CELSR1: variants seen among roughly 807,000 people sequenced by gnomAD.
CELSR1 encodes cadherin EGF LAG seven-pass G-type receptor 1, also known as adhesion G protein-coupled receptor C1.
CELSR1 carries 110 observed loss-of-function variants against 249.1 expected under a neutral mutation model. That is an observed-to-expected ratio of 0.44 (90% confidence interval 0.38 to 0.52). CELSR1 has a LOEUF of 0.52. Ranked by LOEUF, CELSR1 falls within the 20% of genes least tolerant of loss-of-function variation. The pLI, the probability that CELSR1 is intolerant of heterozygous loss-of-function variation, is 0.00. For missense variants in CELSR1, 4,109 were observed against 4,296.4 expected, an observed-to-expected ratio of 0.96 and a Z score of 1.22; for synonymous variants, 2,113 against 1,900.0, an observed-to-expected ratio of 1.11 and a Z score of -2.92.
intron 26 of CELSR1, among the ~76,000 whole-genome samples, chr22:46,369,474 C>T (rs1015599166): frequency 4.9e-4 from 74 of 152,178 alleles, no homozygotes; most frequent in African/African-American, 1.7e-3. Context: ...GGGTGCTGGA[C>T]GCAGATGGTC....
chr22:46,490,143 T>C lies in CELSR1; in HGVS notation c.3545-25798A>G, dbSNP rs1236319423. ...TGTACACATGTCGACATGGCACTTC[T>C]ACCTGGAGTGCATGGGTCCTGCTCT... On this transcript the variant is annotated intron_variant, in intron 1 of 34. Transcript: ENST00000674500. This position sits in a 1 kb window ranked among gnomAD's most constrained non-coding sequence, Gnocchi z 5.2. Among the ~76,000 whole-genome samples, 1 of 152,136 alleles carries C rather than the reference T, an allele frequency of 6.6e-6. No homozygotes were observed. Among genetic ancestry groups the C allele is most frequent in the East Asian group, 1.9e-4 (1 of 5,190 alleles).
intron 1 of CELSR1, among the ~76,000 whole-genome samples, chr22:46,510,789 G>C (rs758228585): frequency 2.6e-5 from 4 of 152,160 alleles, no homozygotes; most frequent in African/African-American, 4.8e-5. Context: ...AACTTCTAGT[G>C]CTCCTGATAA....
At chr22:46,397,884 C>A (rs2079168190) in intron 11 of CELSR1, 36 bp from the exon 12 acceptor site, 2 of 1,480,966 alleles carry the variant, frequency 1.4e-6, no homozygotes. Flanking sequence ...CTACAGGAGC[C>A]CGGAAAGGTA....
chr22:46,390,311 C>A lies in CELSR1; in HGVS notation c.6345+81G>T. The A allele has an allele frequency of 8.5e-7, 1 of 1,175,730 alleles. No homozygotes were observed. The highest frequency in any genetic ancestry group is 1.5e-5 in the South Asian group (1 of 68,050). 72.8% of individuals were successfully genotyped at this position (1,175,730 alleles called of 1,614,324 possible). A position where few individuals can be genotyped will look rare whatever the true frequency, so the allele number is the denominator to read the frequency against. On this transcript the variant is annotated intron_variant, in intron 17 of 34. Coordinates refer to ENST00000674500, the MANE Select transcript of CELSR1 (RefSeq NM_001378328.1). The surrounding 1 kb of genome is among the most constrained non-coding windows in gnomAD (Gnocchi z 6.3). ...GCCCCAACACTCCCCAGCCCAGGAGCCTCGGCCCACACAAACTCTCTCACG... is the reference window on the plus strand; with the variant it reads ...GCCCCAACACTCCCCAGCCCAGGAGACTCGGCCCACACAAACTCTCTCACG...
intron 9 of CELSR1, among the ~76,000 whole-genome samples, chr22:46,400,969 A>T (rs1006740374): frequency 4.6e-5 from 7 of 151,014 alleles, no homozygotes; most frequent in Admixed American, 3.3e-4. Flanking sequence ...AAAAAAGTAT[A>T]GGCAAAGTTG....
chr22:46,535,680 G>A lies in CELSR1; in HGVS notation c.1491C>T (p.Ser497=), dbSNP rs1162703416. 2 of 1,612,974 alleles carry A rather than the reference G, an allele frequency of 1.2e-6. No homozygotes were observed. Among genetic ancestry groups the A allele is most frequent in the African/African-American group, 1.3e-5 (1 of 74,934 alleles). The part of the protein sequence containing the change: ...DQGQNAAIHY[S]ILSGNVAGQF... ...GGCCGGCCACGTTCCCGCTGAGGAT[G>A]CTGTAGTGAATGGCCGCGTTCTGGC... Residue 497 remains serine, a synonymous_variant, in exon 1 of 35, where the codon AGC becomes AGT. Transcript: ENST00000674500.
Position 46,440,669 on chromosome 22 carries a change from G to A in CELSR1, c.4184-1258C>T, listed in dbSNP as rs1006881267. Among the ~76,000 whole-genome samples the A allele has an allele frequency of 6.6e-6, 1 of 152,058 alleles. No individual in the cohort carries two copies. The highest frequency in any genetic ancestry group is 2.1e-4 in the South Asian group (1 of 4,832). ...GTCTTTCTGCTGGGTTTTTGGTCCT[G>A]CTCTTATTGTGTTATAGAAGCTCCT... On this transcript the variant is annotated intron_variant, in intron 2 of 34. Coordinates refer to ENST00000674500, the MANE Select transcript of CELSR1 (RefSeq NM_001378328.1). This position sits in a 1 kb window ranked among gnomAD's most constrained non-coding sequence, Gnocchi z 4.7.
At chr22:46,528,127 C>T (rs917235282) in intron 1 of CELSR1, among the ~76,000 whole-genome samples, 1 of 151,602 alleles carries the variant, frequency 6.6e-6, no homozygotes, top group Non-Finnish European at 1.5e-5. Context: ...AGGTCCGATC[C>T]TTCCCTACCC....
chr22:46,462,087 C>CG (rs780628782), intron 2 of CELSR1, among the ~76,000 whole-genome samples: 15 of 152,220 alleles, frequency 9.9e-5, no homozygotes, highest in Non-Finnish European at 2.1e-4. Context: ...CTGTGGGAGG[C>CG]GGGGGTCTCC....
intron 2 of CELSR1, among the ~76,000 whole-genome samples, chr22:46,458,754 G>A (rs8139196): frequency 0.036 from 5,526 of 152,282 alleles, 224 homozygotes; most frequent in African/African-American, 0.11. Context: ...CTGCACCTGG[G>A]TGTTGACAGA....
chr22:46,520,044 G>C lies in CELSR1; in HGVS notation c.3544+13583C>G, dbSNP rs143091931. Among the ~76,000 whole-genome samples, 868 of 151,966 alleles carry C rather than the reference G, an allele frequency of 5.7e-3. 9 individuals carry two copies. The highest frequency in any genetic ancestry group is 0.019 in the African/African-American group (773 of 41,458). On this transcript the variant is annotated intron_variant, in intron 1 of 34. Transcript: ENST00000674500. ...CCGCTACCACATCCAGCTAATTTTTGTATTTTTTTAGTAGAGATGGGGTTT... is the reference window on the plus strand; with the variant it reads ...CCGCTACCACATCCAGCTAATTTTTCTATTTTTTTAGTAGAGATGGGGTTT...
Position 46,436,056 on chromosome 22 carries a change from A to G in CELSR1, c.4522+118T>C, listed in dbSNP as rs2079656515. On this transcript the variant is annotated intron_variant, in intron 4 of 34. Coordinates refer to ENST00000674500, the MANE Select transcript of CELSR1 (RefSeq NM_001378328.1). This position sits in a 1 kb window ranked among gnomAD's most constrained non-coding sequence, Gnocchi z 5.9. Reference sequence around the variant, plus strand: ...TTAAATAAGACAGCTTCCTAGACCTACAAGTGAGGGATGAAAGGGTAAGCA... The same window carrying G: ...TTAAATAAGACAGCTTCCTAGACCTGCAAGTGAGGGATGAAAGGGTAAGCA... 1 of 731,774 alleles carries G rather than the reference A, an allele frequency of 1.4e-6. No individual in the cohort carries two copies. The highest frequency in any genetic ancestry group is 2.3e-6 in the Non-Finnish European group (1 of 433,132). 45.3% of individuals were successfully genotyped at this position (731,774 alleles called of 1,614,324 possible). A position where few individuals can be genotyped will look rare whatever the true frequency, so the allele number is the denominator to read the frequency against.
At position 46,517,904 on chromosome 22, in the gene CELSR1, CT is replaced by C. The variant is rs11370514; in HGVS notation, c.3544+15722del. On this transcript the variant is annotated intron_variant, in intron 1 of 34. Transcript: ENST00000674500. The surrounding 1 kb of genome is among the most constrained non-coding windows in gnomAD (Gnocchi z 5.4). ...ACACACCTCCCACGGTGTCCCCTTC[CT>C]TTTTTTTTTTTTTTGAGACAGAGTT... is the stretch of plus-strand genomic sequence containing the variant. Among the ~76,000 whole-genome samples the C allele has an allele frequency of 6.8e-4, 94 of 138,314 alleles. 1 individual carries two copies. Among genetic ancestry groups the C allele is most frequent in the South Asian group, 2.1e-3 (9 of 4,360 alleles). The allele number at this position is 138,314 out of a possible 152,430, so 90.7% of individuals were successfully genotyped here.
At chr22:46,509,265 C>T (rs1280516418) in intron 1 of CELSR1, among the ~76,000 whole-genome samples, 2 of 152,170 alleles carry the variant, frequency 1.3e-5, no homozygotes, top group Non-Finnish European at 2.9e-5. Flanking sequence ...CTCCAATGAC[C>T]CCATGTGCCA....
intron 5 of CELSR1, among the ~76,000 whole-genome samples, chr22:46,414,303 C>T (rs117022324): frequency 0.05 from 7,684 of 152,264 alleles, 328 homozygotes; most frequent in Admixed American, 0.082. Context: ...AAAGTAACAG[C>T]ACTTTTGGCG....
chr22:46,384,245 A>T (rs2079008823), intron 20 of CELSR1, among the ~76,000 whole-genome samples: 1 of 152,040 alleles, frequency 6.6e-6, no homozygotes, highest in Non-Finnish European at 1.5e-5. Flanking sequence ...CTGGATTTTG[A>T]TTTTTTTATT....
At chr22:46,416,336 G>T (rs1370618139) in intron 5 of CELSR1, among the ~76,000 whole-genome samples, 5 of 152,210 alleles carry the variant, frequency 3.3e-5, no homozygotes, top group Non-Finnish European at 5.9e-5. Context: ...CCCTTCCAGG[G>T]CTCAGCTGGG....
intron 24 of CELSR1, among the ~76,000 whole-genome samples, chr22:46,375,267 G>A (rs1163878496): frequency 1.3e-5 from 2 of 152,084 alleles, no homozygotes; most frequent in East Asian, 1.9e-4. Flanking sequence ...TGGCTCATGC[G>A]CCACACCTTC....
intron 2 of CELSR1, among the ~76,000 whole-genome samples, chr22:46,458,363 G>A (rs370381343): frequency 3.3e-5 from 5 of 152,316 alleles, no homozygotes; most frequent in African/African-American, 9.6e-5. Flanking sequence ...CATCCTGGGC[G>A]CTCCGTGAAG....
Sources: gnomAD v4.1 joint callset for allele counts (sites outside exome capture counted in the v4.1 genomes callset) on GRCh38, gnomAD v4.1.1 for gene constraint, Gnocchi (gnomAD v3.1) non-coding constraint, MANE v1.5 for transcripts, NCBI Gene and HGNC (gene_info 2026-07-23, HGNC 2026-07-21) for gene names.